Variants in HESX1 observed in about 807,000 individuals in gnomAD.
HESX1 encodes the protein homeobox expressed in ES cells 1.
Under a neutral mutation model 22.5 loss-of-function variants are expected in HESX1, and 11 were observed. The ratio of observed to expected loss-of-function variants is 0.49; its 90% confidence interval spans 0.31 to 0.81. The LOEUF (loss-of-function observed/expected upper bound fraction) is 0.81. HESX1 is among the 30% of genes least tolerant of loss of function. The pLI, the probability that HESX1 is intolerant of heterozygous loss-of-function variation, is 0.05. For missense variants in HESX1, 201 were observed against 212.6 expected (o/e 0.95, Z 0.34); for synonymous variants, 74 against 76.5 (o/e 0.97, Z 0.17).
chr3:57,214,803 G>A (rs574726930), intron 1 of HESX1, among the ~76,000 whole-genome samples: 1 of 152,288 alleles, frequency 6.6e-6, no homozygotes, highest in African/African-American at 2.4e-5. Flanking sequence ...GTGTGTGCTT[G>A]TCTGTTGAGG....
upstream of HESX1, among the ~76,000 whole-genome samples, chr3:57,201,794 TTTA>T (rs1453116234): frequency 6.6e-6 from 1 of 152,006 alleles, no homozygotes; most frequent in African/African-American, 2.4e-5. Flanking sequence ...CAACTTCTTC[TTTA>T]TTAACAAAGA....
Position 57,207,939 on chromosome 3 carries a change from A to G in HESX1, c.-110-7911T>C, listed in dbSNP as rs191751991. 1.5e-3 allele frequency among the ~76,000 whole-genome samples: 224 copies of G among 152,328 alleles called. 2 individuals are homozygous for G. Among genetic ancestry groups the G allele is most frequent in the East Asian group, 0.011 (55 of 5,178 alleles). Reference sequence around the variant, plus strand: ...AAATTATTGCCAATCTGACGCATAAAATAATCTGTTTCACATTTCTTCAAG... The same window carrying G: ...AAATTATTGCCAATCTGACGCATAAGATAATCTGTTTCACATTTCTTCAAG... On this transcript the variant is annotated intron_variant, in intron 1 of 2. Coordinates refer to the HESX1 transcript ENST00000495160.
chr3:57,209,472 A>G (rs772513047), intron 1 of HESX1, among the ~76,000 whole-genome samples: 31 of 152,056 alleles, frequency 2.0e-4, no homozygotes, highest in Non-Finnish European at 4.0e-4. Context: ...AAACCCCGTC[A>G]CTACTAAAAA....
intron 1 of HESX1, chr3:57,226,184 T>A (rs1391752054): frequency 6.6e-6 from 1 of 152,310 alleles, no homozygotes; most frequent in East Asian, 1.9e-4. Context: ...GGCCTTTTTT[T>A]TTTTCTTTCT....
chr3:57,205,862 G>A (rs1465296226), intron 1 of HESX1, among the ~76,000 whole-genome samples: 1 of 152,002 alleles, frequency 6.6e-6, no homozygotes, highest in East Asian at 1.9e-4. Flanking sequence ...CTCTCTATAG[G>A]ATTTTTTTGT....
chr3:57,223,797 C>T (rs1342831275), intron 1 of HESX1, among the ~76,000 whole-genome samples: 1 of 151,998 alleles, frequency 6.6e-6, no homozygotes, highest in South Asian at 2.1e-4. Context: ...AGGTAACAAC[C>T]AGAATTTTTT....
At chr3:57,227,575 TGCCACCTCC>T (rs1412498873), upstream of HESX1, among the ~76,000 whole-genome samples, 1 of 152,184 alleles carries the variant, frequency 6.6e-6, no homozygotes, top group Non-Finnish European at 1.5e-5. Context: ...GGGCAGACAC[TGCCACCTCC>T]GCCGCTTCCG....
chr3:57,199,817 G>A lies in HESX1; in HGVS notation c.102C>T (p.Asp34=), dbSNP rs930423549. The change falls in exon 1 of 4, where the codon GAC becomes GAT. Residue 34 remains aspartate, a synonymous_variant. Coordinates refer to ENST00000295934, the MANE Select transcript of HESX1 (RefSeq NM_003865.3). The part of the protein sequence containing the change: ...ERILGLDQKK[D]CVPLMKPHRP... The stretch of plus-strand genomic sequence containing the variant: ...TGTGGGGTTTCATTAATGGAACACA[G>A]TCTTTCTTCTGGTCCAGTCCTAAGA... The A allele has an allele frequency of 1.9e-6, 3 of 1,614,060 alleles. No homozygotes were observed. The highest frequency in any genetic ancestry group is 3.3e-5 in the Admixed American group (2 of 60,006).
At chr3:57,221,903 C>T (rs62251989) in intron 1 of HESX1, among the ~76,000 whole-genome samples, 41,030 of 152,212 alleles carry the variant, frequency 0.27, 6,676 homozygotes, top group Middle Eastern at 0.39. Context: ...CTGCTCCCGG[C>T]CAATATGCTA....
rs368171529 is a variant in HESX1 at position 57,199,924 on chromosome 3, C to T, written c.-6G>A. 2.5e-4 allele frequency: 404 copies of T among 1,613,502 alleles called. No individual in the cohort carries two copies. The highest frequency in any genetic ancestry group is 3.3e-4 in the Non-Finnish European group (390 of 1,179,786). On this transcript the variant is annotated 5_prime_UTR_variant, in exon 1 of 4. Transcript: ENST00000295934. The stretch of plus-strand genomic sequence containing the variant: ...TCCTGAAGGCTGGGAGACATCCTCT[C>T]GTGGTCTGCACAGAGCAACAGCTCT...
At chr3:57,204,188 T>C (rs913891639), upstream of HESX1, among the ~76,000 whole-genome samples, 2 of 152,166 alleles carry the variant, frequency 1.3e-5, no homozygotes, top group African/African-American at 4.8e-5. Flanking sequence ...TTTTATTTTA[T>C]TTTATGTTTT....
rs757488823 is a variant in HESX1 at position 57,199,943 on chromosome 3, C to G, written c.-25G>C. On this transcript the variant is annotated 5_prime_UTR_variant, in exon 1 of 4. Coordinates refer to ENST00000295934, the MANE Select transcript of HESX1 (RefSeq NM_003865.3). Reference sequence around the variant, plus strand: ...TCCTCTCGTGGTCTGCACAGAGCAACAGCTCTGGCCTCTGCTGGCTCTGCC... The same window carrying G: ...TCCTCTCGTGGTCTGCACAGAGCAAGAGCTCTGGCCTCTGCTGGCTCTGCC... 3.7e-6 allele frequency: 6 copies of G among 1,610,214 alleles called. No individual in the cohort carries two copies. The South Asian group carries it at 6.6e-5, about 18-fold the overall frequency.
At chr3:57,210,392 C>G (rs1409610694) in intron 1 of HESX1, among the ~76,000 whole-genome samples, 5 of 152,008 alleles carry the variant, frequency 3.3e-5, no homozygotes, top group Non-Finnish European at 5.9e-5. Context: ...TCAGGAAAAA[C>G]GTACTAGGTC....
At chr3:57,221,847 C>T (rs1449168271) in intron 1 of HESX1, among the ~76,000 whole-genome samples, 2 of 152,156 alleles carry the variant, frequency 1.3e-5, no homozygotes, top group African/African-American at 4.8e-5. Flanking sequence ...TCTCGTGATC[C>T]ACCCGCCTTG....
chr3:57,201,570 A>G (rs566700908), upstream of HESX1, among the ~76,000 whole-genome samples: 128 of 150,868 alleles, frequency 8.5e-4, no homozygotes, highest in African/African-American at 2.8e-3. Context: ...GGGGGGCAGG[A>G]AACAAATAAT....
intron 1 of HESX1, among the ~76,000 whole-genome samples, chr3:57,221,138 C>T (rs1330660529): frequency 1.3e-5 from 2 of 151,958 alleles, no homozygotes; most frequent in Non-Finnish European, 2.9e-5. Context: ...TGCAGCTGCC[C>T]CGGCTCTGTT....
At chr3:57,200,316 T>A (rs535485544), upstream of HESX1, among the ~76,000 whole-genome samples, 2 of 152,348 alleles carry the variant, frequency 1.3e-5, no homozygotes, top group South Asian at 4.1e-4. Flanking sequence ...AAGTTTATAC[T>A]TTCATGGGCT....
At chr3:57,213,006 G>T (rs2060564503) in intron 1 of HESX1, among the ~76,000 whole-genome samples, 1 of 151,906 alleles carries the variant, frequency 6.6e-6, no homozygotes, top group African/African-American at 2.4e-5. Context: ...TGCACATGGG[G>T]TCAAACGTGT....
chr3:57,225,627 C>T (rs147013220), intron 1 of HESX1, among the ~76,000 whole-genome samples: 295 of 152,162 alleles, frequency 1.9e-3, no homozygotes, highest in African/African-American at 6.8e-3. Flanking sequence ...AGGCGTGAGC[C>T]CCACCGCGCC....
Sources: gnomAD v4.1 joint callset for allele counts (sites outside exome capture counted in the v4.1 genomes callset) on GRCh38, gnomAD v4.1.1 for gene constraint, MANE v1.5 for transcripts, NCBI Gene and HGNC (gene_info 2026-07-23, HGNC 2026-07-21) for gene names.